The following TMEM132B variants were observed in gnomAD, a reference collection of about 807,000 sequenced individuals.
The protein encoded by TMEM132B is transmembrane protein 132B.
Under a neutral mutation model 90.8 loss-of-function variants are expected in TMEM132B, and 18 were observed. The ratio of observed to expected loss-of-function variants is 0.20; its 90% confidence interval spans 0.14 to 0.29. The LOEUF is 0.29. Among genes scored for constraint, TMEM132B ranks in the 10% least tolerant of loss-of-function variants. The probability of loss-of-function intolerance (pLI) is 1.00; values close to 1 mark genes in which losing one functional copy is unlikely to be tolerated. For missense variants in TMEM132B, 1,096 were observed against 1,326.8 expected, an observed-to-expected ratio of 0.83 and a Z score of 2.70; for synonymous variants, 504 against 523.3, an observed-to-expected ratio of 0.96 and a Z score of 0.50.
At chr12:125,493,968 G>T (rs1402732477) in intron 3 of TMEM132B, among the ~76,000 whole-genome samples, 1 of 131,680 alleles carries the variant, frequency 7.6e-6, no homozygotes, top group African/African-American at 2.9e-5. Flanking sequence ...GGAAATGGCC[G>T]CATCCCTCCT....
chr12:125,316,746 TG>T (rs1267236953), intron 1 of TMEM132B, among the ~76,000 whole-genome samples: 1 of 151,908 alleles, frequency 6.6e-6, no homozygotes, highest in African/African-American at 2.4e-5. Context: ...AGACACAAAG[TG>T]GGGGGCTGCA....
intron 1 of TMEM132B, among the ~76,000 whole-genome samples, chr12:125,192,177 T>C (rs1285681352): frequency 1.3e-5 from 2 of 152,124 alleles, no homozygotes; most frequent in East Asian, 3.8e-4. Context: ...ACAACCCTAA[T>C]GGGGTAGGGA....
chr12:125,644,359 G>A (rs1566099692), intron 6 of TMEM132B, 78 bp downstream of exon 6: 2 of 1,505,192 alleles, frequency 1.3e-6, no homozygotes, highest in South Asian at 2.4e-5. Context: ...TGGCCCTCAG[G>A]GACTCAAGCC....
chr12:125,314,224 C>T (rs1876197729), intron 1 of TMEM132B, among the ~76,000 whole-genome samples: 1 of 148,188 alleles, frequency 6.7e-6, no homozygotes, highest in Admixed American at 6.6e-5. Flanking sequence ...CTATGCAAAC[C>T]GGCCTTGACT....
intron 2 of TMEM132B, among the ~76,000 whole-genome samples, chr12:125,385,383 G>T (rs1292022589): frequency 1.3e-5 from 2 of 152,188 alleles, no homozygotes; most frequent in Non-Finnish European, 2.9e-5. Flanking sequence ...TTGGGAGGAG[G>T]TTAGCTCCGC....
intron 3 of TMEM132B, among the ~76,000 whole-genome samples, chr12:125,518,414 G>A (rs1436362765): frequency 1.3e-5 from 2 of 152,188 alleles, no homozygotes; most frequent in African/African-American, 2.4e-5. Context: ...TTGGTCCTAG[G>A]AGGCTCATTG....
intron 1 of TMEM132B, among the ~76,000 whole-genome samples, chr12:125,230,761 C>T (rs1182961970): frequency 1.3e-5 from 2 of 151,834 alleles, no homozygotes; most frequent in Admixed American, 6.6e-5. Flanking sequence ...GCCTCGGCCT[C>T]GCAAAGTGCT....
intron 4 of TMEM132B, among the ~76,000 whole-genome samples, chr12:125,543,072 CCAGGGATACTTG>C (rs1249954189): frequency 6.6e-6 from 1 of 152,106 alleles, no homozygotes; most frequent in East Asian, 1.9e-4. Flanking sequence ...GTCTAACAGT[CCAGGGATACTTG>C]GGGTTTTAGA....
intron 1 of TMEM132B, among the ~76,000 whole-genome samples, chr12:125,269,411 G>A (rs1252994912): frequency 2.0e-5 from 3 of 152,192 alleles, no homozygotes; most frequent in Non-Finnish European, 4.4e-5. Flanking sequence ...CAGAGGTGCT[G>A]TTTAAATGAC....
At chr12:125,485,644 A>G (rs985810516) in intron 3 of TMEM132B, among the ~76,000 whole-genome samples, 1 of 152,142 alleles carries the variant, frequency 6.6e-6, no homozygotes, top group Admixed American at 6.5e-5. Context: ...CATACCGGGT[A>G]TCTCATTTTA....
At chr12:125,631,237 C>T (rs1593033087) in intron 5 of TMEM132B, among the ~76,000 whole-genome samples, 1 of 151,690 alleles carries the variant, frequency 6.6e-6, no homozygotes, top group Non-Finnish European at 1.5e-5. Context: ...TTAATTTGTT[C>T]ATTAATCCAA....
At chr12:125,442,815 C>A (rs1330099409) in intron 3 of TMEM132B, among the ~76,000 whole-genome samples, 1 of 152,146 alleles carries the variant, frequency 6.6e-6, no homozygotes, top group Non-Finnish European at 1.5e-5. Flanking sequence ...AAATGCATAT[C>A]TTTGTGTGAC....
rs1331016038 is a variant in TMEM132B, at chr12:125,229,016, A to G, written c.67+42150A>G. Among the ~76,000 whole-genome samples, 7 of 152,168 alleles carry G rather than the reference A, an allele frequency of 4.6e-5. 1 individual carries two copies. Among genetic ancestry groups the G allele is most frequent in the African/African-American group, 1.7e-4 (7 of 41,434 alleles). On this transcript the variant is annotated intron_variant, in intron 1 of 8. Transcript: ENST00000682704. ...CCTGACCAACTAGAGCTGCATAGCT[A>G]TGGTGCCGCGGGCGAGGGAGACCTT... is the stretch of plus-strand genomic sequence containing the variant.
chr12:125,640,951 C>T (rs909556178), intron 5 of TMEM132B, among the ~76,000 whole-genome samples: 1 of 148,718 alleles, frequency 6.7e-6, no homozygotes, highest in African/African-American at 2.4e-5. Flanking sequence ...CACACACACA[C>T]ACACATTTCT....
At chr12:125,592,647 A>G (rs373956382) in intron 5 of TMEM132B, among the ~76,000 whole-genome samples, 2 of 152,352 alleles carry the variant, frequency 1.3e-5, no homozygotes, top group South Asian at 2.1e-4. Flanking sequence ...AGCATCTTCC[A>G]GAGAGTGGCT....
At chr12:125,394,109 C>T (rs368564029) in intron 2 of TMEM132B, among the ~76,000 whole-genome samples, 8 of 152,140 alleles carry the variant, frequency 5.3e-5, no homozygotes, top group Admixed American at 3.3e-4. Flanking sequence ...GAGCCACAAG[C>T]CTAAAGAGAA....
Position 125,534,744 on chromosome 12 carries a change from C to G in TMEM132B, c.1293+15119C>G, listed in dbSNP as rs1474517400. Among the ~76,000 whole-genome samples, 4 of 141,712 alleles carry G rather than the reference C, an allele frequency of 2.8e-5. No homozygotes were observed. In the East Asian group the frequency reaches 6.4e-4, roughly 23 times the overall value. The allele number at this position is 141,712 out of a possible 152,430, so 93.0% of individuals were successfully genotyped here. Reference sequence around the variant, plus strand: ...TTACTATTACTACCATCACTACTACCATTATAGTTACATCCGCTCTTTCAG... The same window carrying G: ...TTACTATTACTACCATCACTACTACGATTATAGTTACATCCGCTCTTTCAG... On this transcript the variant is annotated intron_variant, in intron 4 of 8. Coordinates refer to ENST00000682704, the MANE Select transcript of TMEM132B (RefSeq NM_001366854.1).
At chr12:125,531,601 C>CA (rs2136697477) in intron 4 of TMEM132B, among the ~76,000 whole-genome samples, 1 of 152,322 alleles carries the variant, frequency 6.6e-6, no homozygotes, top group South Asian at 2.1e-4. Flanking sequence ...GAGGAAGACA[C>CA]AAAACATTTG....
At chr12:125,480,936 G>T (rs1325285300) in intron 3 of TMEM132B, among the ~76,000 whole-genome samples, 1 of 152,126 alleles carries the variant, frequency 6.6e-6, no homozygotes, top group Non-Finnish European at 1.5e-5. Flanking sequence ...TCATCCCTGG[G>T]ATGCAAGGCT....
Sources: allele counts gnomAD v4.1 joint callset (sites outside exome capture counted in the v4.1 genomes callset), GRCh38; gene constraint gnomAD v4.1.1; transcripts MANE v1.5; gene names NCBI Gene and HGNC (gene_info 2026-07-23, HGNC 2026-07-21).